The following SYNGR1 variants were observed in gnomAD, a reference collection of about 807,000 sequenced individuals.
SYNGR1 encodes synaptogyrin 1.
In SYNGR1, 14 loss-of-function variants were observed where a neutral mutation model predicts 26.1. The observed-to-expected ratio is 0.54, with a 90% CI of 0.35 to 0.84. The LOEUF is 0.84. SYNGR1 is among the 40% of genes least tolerant of loss of function. The pLI, the probability that SYNGR1 is intolerant of heterozygous loss-of-function variation, is 0.01. For synonymous variants in SYNGR1, 141 were observed against 150.1 expected, an observed-to-expected ratio of 0.94 and a Z score of 0.44; for missense variants, 319 against 332.9, an observed-to-expected ratio of 0.96 and a Z score of 0.33.
chr22:39,358,319 G>A (rs981850798), intron 1 of SYNGR1, among the ~76,000 whole-genome samples: 6 of 152,092 alleles, frequency 3.9e-5, no homozygotes, highest in East Asian at 1.9e-4. Flanking sequence ...CAGGCCACTC[G>A]GCTCTACCAA....
chr22:39,360,895 G>A (rs773476209), intron 1 of SYNGR1, among the ~76,000 whole-genome samples: 28 of 152,356 alleles, frequency 1.8e-4, no homozygotes, highest in Non-Finnish European at 3.4e-4. Context: ...TGGGGTGTAC[G>A]CTTGGAGGGC....
At chr22:39,376,738 C>T (rs1256853374) in intron 3 of SYNGR1, among the ~76,000 whole-genome samples, 2 of 151,900 alleles carry the variant, frequency 1.3e-5, no homozygotes, top group South Asian at 2.1e-4. Context: ...GTGAGCAGGC[C>T]GGGTGACACA....
At chr22:39,371,736 C>G (rs1925031234) in intron 1 of SYNGR1, among the ~76,000 whole-genome samples, 1 of 152,138 alleles carries the variant, frequency 6.6e-6, no homozygotes, top group African/African-American at 2.4e-5. Context: ...CCTCCTTTCT[C>G]AGCCTCCTAA....
At chr22:39,372,573 A>C (rs1925079607) in intron 1 of SYNGR1, among the ~76,000 whole-genome samples, 1 of 148,528 alleles carries the variant, frequency 6.7e-6, no homozygotes, top group Non-Finnish European at 1.5e-5. Flanking sequence ...GGGCTCAAGC[A>C]ATTCTCCTGC....
intron 1 of SYNGR1, among the ~76,000 whole-genome samples, chr22:39,358,577 T>C (rs1924296184): frequency 6.6e-6 from 1 of 151,278 alleles, no homozygotes; most frequent in Non-Finnish European, 1.5e-5. Context: ...ACGCGCGGCA[T>C]TAAGAGCTGT....
chr22:39,374,880 AC>A, intron 2 of SYNGR1: 1 of 404,622 alleles, frequency 2.5e-6, no homozygotes, highest in Non-Finnish European at 4.7e-6. Flanking sequence ...CTTCTGTGCC[AC>A]CTCCCTGGGG....
In SYNGR1 at chr22:39,385,111, G is replaced by C. The variant is rs1925618525; in HGVS notation, c.*3197G>C. Reference sequence around the variant, plus strand: ...GAGACACCCTGCCTGTTAGCCCTGGGAGACCCCTAACCTTGGCCCAAGACC... The same window carrying C: ...GAGACACCCTGCCTGTTAGCCCTGGCAGACCCCTAACCTTGGCCCAAGACC... On this transcript the variant is annotated 3_prime_UTR_variant, in exon 4 of 4. Transcript: ENST00000328933. The C allele has an allele frequency of 2.5e-6, 1 of 398,110 alleles. No individual in the cohort carries two copies. The highest frequency in any genetic ancestry group is 4.4e-6 in the Non-Finnish European group (1 of 225,866). The allele number at this position is 398,110 out of a possible 1,614,324, so 24.7% of individuals were successfully genotyped here. A position where few individuals can be genotyped will look rare whatever the true frequency, so the allele number is the denominator to read the frequency against.
rs1265048925 is a variant in SYNGR1 at position 39,382,167 on chromosome 22, T to A, written c.*253T>A. The A allele has an allele frequency of 1.0e-5, 6 of 581,846 alleles. No homozygotes were observed. Among genetic ancestry groups the A allele is most frequent in the Non-Finnish European group, 1.8e-5 (6 of 324,864 alleles). 36.0% of individuals were successfully genotyped at this position (581,846 alleles called of 1,614,324 possible). Reference sequence around the variant, plus strand: ...GGCCAGGGGTATTTGCATTCATACATTGTGTCATCAAGCATTCCTTGAGCG... The same window carrying A: ...GGCCAGGGGTATTTGCATTCATACAATGTGTCATCAAGCATTCCTTGAGCG... On this transcript the variant is annotated 3_prime_UTR_variant, in exon 4 of 4. Coordinates refer to ENST00000328933, the MANE Select transcript of SYNGR1 (RefSeq NM_004711.5).
chr22:39,361,716 T>TA (rs1292017668), intron 1 of SYNGR1, among the ~76,000 whole-genome samples: 1 of 151,856 alleles, frequency 6.6e-6, no homozygotes, highest in Non-Finnish European at 1.5e-5. Flanking sequence ...GCCGCATCTA[T>TA]AAAATGGGTA....
At position 39,381,686 on chromosome 22, in the gene SYNGR1, T is replaced by C. The variant is rs955009332; in HGVS notation, c.484-10T>C. ...CGCCTGTCCTTGTCCTCGCCGGCCT[T>C]TGTCCCCAGGCGGGCCAGGCTGTGC... On this transcript the variant is annotated splice_polypyrimidine_tract_variant and intron_variant, in intron 3 of 3. Transcript: ENST00000328933. 6.2e-7 allele frequency: 1 copy of C among 1,613,182 alleles called. No homozygotes were observed. The highest frequency in any genetic ancestry group is 1.3e-5 in the African/African-American group (1 of 74,924).
At chr22:39,356,012 T>G (rs1924127014) in intron 1 of SYNGR1, among the ~76,000 whole-genome samples, 1 of 151,872 alleles carries the variant, frequency 6.6e-6, no homozygotes, top group African/African-American at 2.4e-5. Context: ...AGAGTGAAAC[T>G]CCATTTCAAA....
At chr22:39,374,709 G>A (rs1420004981) in intron 2 of SYNGR1, 156 bp downstream of exon 2, 1 of 805,334 alleles carries the variant, frequency 1.2e-6, no homozygotes, top group Non-Finnish European at 2.0e-6. Flanking sequence ...CTGGCAGCAG[G>A]AAGGATGGGA....
intron 3 of SYNGR1, chr22:39,378,114 C>G: frequency 8.6e-7 from 1 of 1,167,802 alleles, no homozygotes; most frequent in Non-Finnish European, 1.1e-6. Flanking sequence ...GCAATAGCCT[C>G]TCCCTTCACA....
At chr22:39,375,934 A>G in intron 2 of SYNGR1, 118 bp from the exon 3 acceptor site, 1 of 1,348,852 alleles carries the variant, frequency 7.4e-7, no homozygotes, top group East Asian at 2.3e-5. Flanking sequence ...GGGGTGGGGG[A>G]GCATGGGAGA....
chr22:39,355,984 A>C (rs1924125911), intron 1 of SYNGR1, among the ~76,000 whole-genome samples: 1 of 152,190 alleles, frequency 6.6e-6, no homozygotes, highest in Non-Finnish European at 1.5e-5. Context: ...GCGCCATCGC[A>C]CTCCAGCCTG....
At chr22:39,362,892 C>T (rs531547042) in intron 1 of SYNGR1, among the ~76,000 whole-genome samples, 5 of 152,184 alleles carry the variant, frequency 3.3e-5, no homozygotes, top group Non-Finnish European at 5.9e-5. Flanking sequence ...TTTCCTGACC[C>T]TCTCCCTGGG....
chr22:39,359,585 C>G (rs1320981908), intron 1 of SYNGR1, among the ~76,000 whole-genome samples: 7 of 145,568 alleles, frequency 4.8e-5, no homozygotes, highest in African/African-American at 1.5e-4. Flanking sequence ...AAGCCAAGAT[C>G]GCGCCACCGC....
rs1925594260 is a variant in SYNGR1 at position 39,384,409 on chromosome 22, A to T, written c.*2495A>T. The T allele has an allele frequency of 2.5e-6, 1 of 397,726 alleles. No individual in the cohort carries two copies. Among genetic ancestry groups the T allele is most frequent in the Non-Finnish European group, 4.4e-6 (1 of 226,012 alleles). 24.6% of individuals were successfully genotyped at this position (397,726 alleles called of 1,614,324 possible). The stretch of plus-strand genomic sequence containing the variant: ...GGGGTGCTGAGTCATCTCACGAAGA[A>T]TCCCTCACTCTTCCCGGGTTCAGCC... On this transcript the variant is annotated 3_prime_UTR_variant, in exon 4 of 4. Transcript: ENST00000328933.
intron 1 of SYNGR1, among the ~76,000 whole-genome samples, chr22:39,361,353 G>GC (rs149080911): frequency 1.5e-5 from 2 of 136,110 alleles, no homozygotes; most frequent in African/African-American, 6.2e-5. Flanking sequence ...GGTTAACCCT[G>GC]CCCTTTTTTT....
Sources: allele counts gnomAD v4.1 joint callset (sites outside exome capture counted in the v4.1 genomes callset), GRCh38; gene constraint gnomAD v4.1.1; transcripts MANE v1.5; gene names NCBI Gene and HGNC (gene_info 2026-07-23, HGNC 2026-07-21).